Variants in OR11L1 observed in about 807,000 individuals in gnomAD.
OR11L1 encodes olfactory receptor family 11 subfamily L member 1, also known as olfactory receptor 11L1.
For synonymous variants in OR11L1, 164 were observed against 159.1 expected (o/e 1.03, Z -0.23); for missense variants, 397 against 392.7 (o/e 1.01, Z -0.09).
At position 247,841,360 on chromosome 1, in the gene OR11L1, G is replaced by A. The variant is rs61748724; in HGVS notation, c.537C>T (p.Cys179=). ...CGRNQINHFF[C]DLPPLMQLSC... is the part of the protein sequence containing the mutation. ...AGAGCTGCATGAGTGGCGGGAGGTCGCAGAAGAAATGGTTAATCTGATTGC... is the reference window on the plus strand; with the variant it reads ...AGAGCTGCATGAGTGGCGGGAGGTCACAGAAGAAATGGTTAATCTGATTGC... The change falls in exon 1 of 1, where the codon TGC becomes TGT. Residue 179 remains cysteine, a synonymous_variant. Transcript: ENST00000355784. 0.011 allele frequency: 17,388 copies of A among 1,613,914 alleles called. 441 individuals are homozygous for A. The highest frequency in any genetic ancestry group is 0.099 in the African/African-American group (7,387 of 74,978).
At position 247,841,015 on chromosome 1, in the gene OR11L1, G is replaced by C. The variant is rs114292191; in HGVS notation, c.882C>G (p.Asn294Lys). Residue 294 changes from asparagine to lysine, a missense_variant, in exon 1 of 1, where the codon AAC becomes AAG. Physicochemically the swap from Asn to Lys is moderately conservative, Grantham distance 94. Transcript: ENST00000355784. ...TTCTAACAGCTTCTTTGAAGTCTTT[G>C]TTCCTCAAGCTGTAGATAACTGGGT... ...LLNPVIYSLR[N>K]KDFKEAVRKV... is the part of the protein sequence containing the mutation. 4 of 1,614,098 alleles carry C rather than the reference G, an allele frequency of 2.5e-6. No homozygotes were observed. The highest frequency in any genetic ancestry group is 2.7e-5 in the African/African-American group (2 of 75,052).
At position 247,841,495 on chromosome 1, in the gene OR11L1, G is replaced by C; in HGVS notation, c.402C>G (p.Phe134Leu). The change falls in exon 1 of 1, where the codon TTC becomes TTG. Residue 134 changes from phenylalanine to leucine, a missense_variant. Phe to Leu is a conservative substitution (Grantham distance 22). Transcript: ENST00000355784. ...LAICSPLRYP[F>L]LMHRGLCARL... ...TGGCACAGAGCCCACGATGCATGAG[G>C]AAGGGGTAGCGGAGTGGGCTGCAGA... 1.9e-6 allele frequency: 3 copies of C among 1,614,176 alleles called. No individual in the cohort carries two copies. Among genetic ancestry groups the C allele is most frequent in the Non-Finnish European group, 2.5e-6 (3 of 1,180,016 alleles).
In OR11L1 at chr1:247,841,840, G is replaced by C; in HGVS notation, c.57C>G (p.Asn19Lys). 6.2e-7 allele frequency: 1 copy of C among 1,613,898 alleles called. No individual in the cohort carries two copies. Reference sequence around the variant, plus strand: ...AGAGCAGGGCCTGCCATTCAAGAAGGTTCTGGAATCCTAACAGCTGAAAGT... The same window carrying C: ...AGAGCAGGGCCTGCCATTCAAGAAGCTTCTGGAATCCTAACAGCTGAAAGT... ...VTNFQLLGFQ[N>K]LLEWQALLFV... The change falls in exon 1 of 1, where the codon AAC (asparagine) becomes AAG (lysine). Residue 19 changes from asparagine to lysine, a missense_variant. By Grantham distance (94) the Asn-to-Lys change is moderately conservative (BLOSUM62 0). Coordinates refer to ENST00000355784, the MANE Select transcript of OR11L1 (RefSeq NM_001001959.1).
Position 247,840,944 on chromosome 1 carries a change from C to T in OR11L1, c.953G>A (p.Arg318Lys). 1 of 1,608,530 alleles carries T rather than the reference C, an allele frequency of 6.2e-7. No individual in the cohort carries two copies. The highest frequency in any genetic ancestry group is 8.5e-7 in the Non-Finnish European group (1 of 1,176,570). Residue 318 changes from arginine to lysine, a missense_variant, in exon 1 of 1, where the codon AGG becomes AAG. By Grantham distance (26) the Arg-to-Lys change is conservative (BLOSUM62 2). Coordinates refer to ENST00000355784, the MANE Select transcript of OR11L1 (RefSeq NM_001001959.1). ...KCGILWSTSK[R>K]KFLY ...TTTCTTTACCTAATAAAGGAACTTC[C>T]TTTTACTTGTACTCCATAGAATACC...
rs779729798 is a variant in OR11L1, at chr1:247,840,940, C to A, written c.957G>T (p.Lys319Asn). ...CGILWSTSKR[K>N]FLY ...CAATTTTCTTTACCTAATAAAGGAA[C>A]TTCCTTTTACTTGTACTCCATAGAA... Residue 319 changes from lysine to asparagine, a missense_variant, in exon 1 of 1, where the codon AAG (lysine) becomes AAT (asparagine). Transcript: ENST00000355784. 3 of 1,606,862 alleles carry A rather than the reference C, an allele frequency of 1.9e-6. No homozygotes were observed. The highest frequency in any genetic ancestry group is 2.2e-5 in the South Asian group (2 of 90,282).
Position 247,841,367 on chromosome 1 carries a change from A to G in OR11L1, c.530T>C (p.Phe177Ser). The change falls in exon 1 of 1, where the codon TTC becomes TCC. Residue 177 changes from phenylalanine (F) to serine (S), a missense_variant. Coordinates refer to ENST00000355784, the MANE Select transcript of OR11L1 (RefSeq NM_001001959.1). ...DFCGRNQINH[F>S]FCDLPPLMQL... is the part of the protein sequence containing the mutation. Reference sequence around the variant, plus strand: ...CATGAGTGGCGGGAGGTCGCAGAAGAAATGGTTAATCTGATTGCGCCCACA... The same window carrying G: ...CATGAGTGGCGGGAGGTCGCAGAAGGAATGGTTAATCTGATTGCGCCCACA... 2 of 1,614,130 alleles carry G rather than the reference A, an allele frequency of 1.2e-6. No individual in the cohort carries two copies. The highest frequency in any genetic ancestry group is 2.2e-5 in the South Asian group (2 of 91,074).
chr1:247,841,220 A>G lies in OR11L1; in HGVS notation c.677T>C (p.Leu226Ser). 6.2e-7 allele frequency: 1 copy of G among 1,614,178 alleles called. No individual in the cohort carries two copies. The highest frequency in any genetic ancestry group is 8.5e-7 in the Non-Finnish European group (1 of 1,180,018). Residue 226 changes from leucine to serine, a missense_variant, in exon 1 of 1, where the codon TTG becomes TCG. By Grantham distance (145) the Leu-to-Ser change is moderately radical. Coordinates refer to ENST00000355784, the MANE Select transcript of OR11L1 (RefSeq NM_001001959.1). ...GPYVFIVSSI[L>S]RIPSTSGRRK... ...CCGGCCAGAGGTGGAAGGGATTCTC[A>G]ATATGGAGGACACAATGAAAACATA...
In OR11L1 at chr1:247,841,305, T is replaced by A. The variant is rs2103304091; in HGVS notation, c.592A>T (p.Thr198Ser). 1 of 1,614,172 alleles carries A rather than the reference T, an allele frequency of 6.2e-7. No individual in the cohort carries two copies. Among genetic ancestry groups the A allele is most frequent in the Non-Finnish European group, 8.5e-7 (1 of 1,180,024 alleles). ...ACGGCAATTGACAGGATGAAGATGG[T>A]CACCTCGGTGATATAAACTCTGGAA... ...SCSRVYITEV[T>S]IFILSIAVLC... Residue 198 changes from threonine (T) to serine (S), a missense_variant, in exon 1 of 1, where the codon ACC becomes TCC. Thr to Ser is a moderately conservative substitution (Grantham distance 58, BLOSUM62 1). Transcript: ENST00000355784.
Position 247,841,021 on chromosome 1 carries a change from C to T in OR11L1, c.876G>A (p.Leu292=), listed in dbSNP as rs1171331646. The T allele has an allele frequency of 6.2e-7, 1 of 1,614,064 alleles. No homozygotes were observed. The highest frequency in any genetic ancestry group is 2.2e-5 in the East Asian group (1 of 44,898). Residue 292 remains leucine, a synonymous_variant, in exon 1 of 1, where the codon TTG becomes TTA. Transcript: ENST00000355784. ...CAGCTTCTTTGAAGTCTTTGTTCCTCAAGCTGTAGATAACTGGGTTCAGCA... is the reference window on the plus strand; with the variant it reads ...CAGCTTCTTTGAAGTCTTTGTTCCTTAAGCTGTAGATAACTGGGTTCAGCA... ...TPLLNPVIYS[L]RNKDFKEAVR...
In OR11L1 at chr1:247,841,266, A is replaced by T; in HGVS notation, c.631T>A (p.Phe211Ile). The T allele has an allele frequency of 6.2e-7, 1 of 1,614,204 alleles. No individual in the cohort carries two copies. The highest frequency in any genetic ancestry group is 8.5e-7 in the Non-Finnish European group (1 of 1,180,018). The change falls in exon 1 of 1, where the codon TTT (phenylalanine) becomes ATT (isoleucine). Residue 211 changes from phenylalanine to isoleucine, a missense_variant. Physicochemically the swap from Phe to Ile is conservative, Grantham distance 21 (BLOSUM62 0). Transcript: ENST00000355784. The stretch of plus-strand genomic sequence containing the variant: ...ACATAGGGCCCCAGTGTCAGAAAAA[A>T]ACAAATGCACAGCACGGCAATTGAC... ...ILSIAVLCIC[F>I]FLTLGPYVFI...
In OR11L1 at chr1:247,841,686, C is replaced by T; in HGVS notation, c.211G>A (p.Val71Ile). The stretch of plus-strand genomic sequence containing the variant: ...GGCACAGTGGTGGACGTGTACCAGA[C>T]CTCCAGAAAGGAGAGATGCTGGAGG... ...MFLQHLSFLE[V>I]WYTSTTVPLL... The change falls in exon 1 of 1, where the codon GTC (valine) becomes ATC (isoleucine). Residue 71 changes from valine to isoleucine, a missense_variant. Transcript: ENST00000355784. 2 of 1,614,146 alleles carry T rather than the reference C, an allele frequency of 1.2e-6. No homozygotes were observed. The highest frequency in any genetic ancestry group is 1.7e-6 in the Non-Finnish European group (2 of 1,180,026).
chr1:247,841,725 G>T lies in OR11L1; in HGVS notation c.172C>A (p.Pro58Thr), dbSNP rs756293820. ...VVSQGLRLHSPMYMFLQHLSF... is the reference protein window; with the variant it reads ...VVSQGLRLHSTMYMFLQHLSF... ...AGATGCTGGAGGAACATGTACATAG[G>T]GGAGTGCAGTCGCAGGCCCTGGCTC... Residue 58 changes from proline to threonine, a missense_variant, in exon 1 of 1, where the codon CCT becomes ACT. By Grantham distance (38) the Pro-to-Thr change is conservative (BLOSUM62 -1). Coordinates refer to ENST00000355784, the MANE Select transcript of OR11L1 (RefSeq NM_001001959.1). 74 of 1,614,012 alleles carry T rather than the reference G, an allele frequency of 4.6e-5. No homozygotes were observed. Among genetic ancestry groups the T allele is most frequent in the Non-Finnish European group, 5.1e-5 (60 of 1,179,996 alleles).
At position 247,841,092 on chromosome 1, in the gene OR11L1, C is replaced by A; in HGVS notation, c.805G>T (p.Glu269Ter). The change falls in exon 1 of 1, where the codon GAA becomes TAA. Residue 269 changes from glutamate to a stop codon, truncating the protein, a stop_gained. Coordinates refer to ENST00000355784, the MANE Select transcript of OR11L1 (RefSeq NM_001001959.1). LOFTEE classifies it low-confidence loss of function (END_TRUNC). ...AAGACAGAAATGATCTTGTTGATTT[C>A]AGGCAACAGGTGGGGACTGGGACAC... ...YVCPSPHLLPEINKIISVFYT... is the reference protein window; with the variant it reads ...YVCPSPHLLP 6.2e-7 allele frequency: 1 copy of A among 1,614,116 alleles called. No individual in the cohort carries two copies. The highest frequency in any genetic ancestry group is 8.5e-7 in the Non-Finnish European group (1 of 1,180,008).
Position 247,841,445 on chromosome 1 carries a change from G to A in OR11L1, c.452C>T (p.Thr151Ile). 6.2e-7 allele frequency: 1 copy of A among 1,614,148 alleles called. No homozygotes were observed. Among genetic ancestry groups the A allele is most frequent in the Non-Finnish European group, 8.5e-7 (1 of 1,180,012 alleles). The change falls in exon 1 of 1, where the codon ACA (threonine) becomes ATA (isoleucine). Residue 151 changes from threonine (T) to isoleucine (I), a missense_variant. Coordinates refer to ENST00000355784, the MANE Select transcript of OR11L1 (RefSeq NM_001001959.1). Reference sequence around the variant, plus strand: ...AGGCAGAAAGCCTGTGCTGACCCCTGTGCACCAGGAGACCACCACCAACCT... The same window carrying A: ...AGGCAGAAAGCCTGTGCTGACCCCTATGCACCAGGAGACCACCACCAACCT... ...CARLVVVSWCTGVSTGFLPSL... is the reference protein window; with the variant it reads ...CARLVVVSWCIGVSTGFLPSL...
chr1:247,841,829 C>A lies in OR11L1; in HGVS notation c.68G>T (p.Trp23Leu). ...QLLGFQNLLE[W>L]QALLFVIFLL... Reference sequence around the variant, plus strand: ...GAAAATGACAAAGAGCAGGGCCTGCCATTCAAGAAGGTTCTGGAATCCTAA... The same window carrying A: ...GAAAATGACAAAGAGCAGGGCCTGCAATTCAAGAAGGTTCTGGAATCCTAA... The change falls in exon 1 of 1, where the codon TGG becomes TTG. Residue 23 changes from tryptophan to leucine, a missense_variant. Physicochemically the swap from Trp to Leu is moderately conservative, Grantham distance 61. Transcript: ENST00000355784. The A allele has an allele frequency of 6.2e-7, 1 of 1,614,012 alleles. No homozygotes were observed. Among genetic ancestry groups the A allele is most frequent in the South Asian group, 1.1e-5 (1 of 91,040 alleles).
Position 247,841,435 on chromosome 1 carries a change from G to GCTGA in OR11L1, c.458_461dup (p.Thr155GlnfsTer22). ...TCATCAGGGAAGGCAGAAAGCCTGT[G>GCTGA]CTGACCCCTGTGCACCAGGAGACCA... On this transcript the variant is annotated frameshift_variant, in exon 1 of 1. Coordinates refer to ENST00000355784, the MANE Select transcript of OR11L1 (RefSeq NM_001001959.1). LOFTEE classifies it low-confidence loss of function (END_TRUNC). 4 of 1,614,200 alleles carry GCTGA rather than the reference G, an allele frequency of 2.5e-6. No individual in the cohort carries two copies. The highest frequency in any genetic ancestry group is 3.4e-6 in the Non-Finnish European group (4 of 1,180,028).
rs1156980754 is a variant in OR11L1, at chr1:247,841,890, G to T, written c.7C>A (p.Pro3Thr). 1.2e-6 allele frequency: 2 copies of T among 1,610,898 alleles called. No homozygotes were observed. The highest frequency in any genetic ancestry group is 1.7e-6 in the Non-Finnish European group (2 of 1,178,254). Reference sequence around the variant, plus strand: ...TTAGTCACAGTGGAGGTATTTTGGGGCTCCATTGCCTGTGGGGGATGAAAA... The same window carrying T: ...TTAGTCACAGTGGAGGTATTTTGGGTCTCCATTGCCTGTGGGGGATGAAAA... ME[P>T]QNTSTVTNFQ... is the part of the protein sequence containing the mutation. Residue 3 changes from proline (P) to threonine (T), a missense_variant, in exon 1 of 1, where the codon CCC becomes ACC. Coordinates refer to ENST00000355784, the MANE Select transcript of OR11L1 (RefSeq NM_001001959.1).
chr1:247,841,733 A>G lies in OR11L1; in HGVS notation c.164T>C (p.Leu55Pro). The G allele has an allele frequency of 6.2e-7, 1 of 1,614,098 alleles. No individual in the cohort carries two copies. Among genetic ancestry groups the G allele is most frequent in the Non-Finnish European group, 8.5e-7 (1 of 1,179,968 alleles). Residue 55 changes from leucine to proline, a missense_variant, in exon 1 of 1, where the codon CTG becomes CCG. Leu to Pro is a moderately conservative substitution (Grantham distance 98). Coordinates refer to ENST00000355784, the MANE Select transcript of OR11L1 (RefSeq NM_001001959.1). ...IITVVSQGLR[L>P]HSPMYMFLQH... ...GAGGAACATGTACATAGGGGAGTGC[A>G]GTCGCAGGCCCTGGCTCACCACGGT...
At position 247,841,840 on chromosome 1, in the gene OR11L1, G is replaced by T. The variant is rs777534354; in HGVS notation, c.57C>A (p.Asn19Lys). ...AGAGCAGGGCCTGCCATTCAAGAAGGTTCTGGAATCCTAACAGCTGAAAGT... is the reference window on the plus strand; with the variant it reads ...AGAGCAGGGCCTGCCATTCAAGAAGTTTCTGGAATCCTAACAGCTGAAAGT... Reference protein sequence around the residue: ...VTNFQLLGFQNLLEWQALLFV... With the variant: ...VTNFQLLGFQKLLEWQALLFV... Residue 19 changes from asparagine to lysine, a missense_variant, in exon 1 of 1, where the codon AAC (asparagine) becomes AAA (lysine). Coordinates refer to ENST00000355784, the MANE Select transcript of OR11L1 (RefSeq NM_001001959.1). 9.3e-6 allele frequency: 15 copies of T among 1,613,780 alleles called. No homozygotes were observed. In the Admixed American group the frequency reaches 2.3e-4, roughly 25 times the overall value.
Sources: gnomAD v4.1 joint callset for allele counts on GRCh38, gnomAD v4.1.1 for gene constraint, MANE v1.5 for transcripts, NCBI Gene and HGNC (gene_info 2026-07-23, HGNC 2026-07-21) for gene names.